Variants in MIA3 observed in about 807,000 individuals in gnomAD.
MIA3 encodes transport and Golgi organization protein 1 homolog.
MIA3 carries 90 observed loss-of-function variants against 192.4 expected under a neutral mutation model. The ratio of observed to expected loss-of-function variants is 0.47; its 90% confidence interval spans 0.39 to 0.56. MIA3 has a LOEUF of 0.56. Among genes scored for constraint, MIA3 ranks in the 20% least tolerant of loss-of-function variants. The pLI, the probability that MIA3 is intolerant of heterozygous loss-of-function variation, is 0.00. For missense variants in MIA3, 2,123 were observed against 2,269.4 expected (o/e 0.94, Z 1.31); for synonymous variants, 740 against 792.8 (o/e 0.93, Z 1.12).
intron 2 of MIA3, among the ~76,000 whole-genome samples, chr1:222,623,053 C>A (rs998954884): frequency 6.6e-6 from 1 of 152,198 alleles, no homozygotes; most frequent in Non-Finnish European, 1.5e-5. Context: ...TGGAAAGGCT[C>A]ATGCCTTATC....
At chr1:222,655,870 C>T (rs1364377477) in intron 18 of MIA3, among the ~76,000 whole-genome samples, 8 of 151,740 alleles carry the variant, frequency 5.3e-5, no homozygotes, top group African/African-American at 7.3e-5. Context: ...TTGTACTCTA[C>T]TGTCCACCCC....
intron 2 of MIA3, among the ~76,000 whole-genome samples, chr1:222,623,047 A>G (rs1467644556): frequency 6.6e-6 from 1 of 152,184 alleles, no homozygotes; most frequent in East Asian, 1.9e-4. Context: ...CTTTAATGGA[A>G]AGGCTCATGC....
Position 222,626,424 on chromosome 1 carries a change from G to A in MIA3, c.355-1151G>A, listed in dbSNP as rs1481415585. Among the ~76,000 whole-genome samples, 5 of 152,228 alleles carry A rather than the reference G, an allele frequency of 3.3e-5. No individual in the cohort carries two copies. In the South Asian group the frequency reaches 1.0e-3, roughly 31 times the overall value. On this transcript the variant is annotated intron_variant, in intron 3 of 27. Coordinates refer to ENST00000344922, the MANE Select transcript of MIA3 (RefSeq NM_198551.4). ...AAAAAATTGGCTCAGAAGTGTGCAT[G>A]ATGGAAAGAGGGAAGTCATTCATCT...
rs1571865581 is a variant in MIA3, at chr1:222,628,425, A to G, written c.1205A>G (p.Asp402Gly). 1.9e-6 allele frequency: 3 copies of G among 1,613,874 alleles called. No individual in the cohort carries two copies. The highest frequency in any genetic ancestry group is 1.3e-5 in the African/African-American group (1 of 75,008). ...TGGEETRDTM[D>G]LESSSSEEEK... ...GGTGAAGAAACAAGAGATACGATGGATTTAGAGAGCTCTAGTTCAGAGGAA... is the reference window on the plus strand; with the variant it reads ...GGTGAAGAAACAAGAGATACGATGGGTTTAGAGAGCTCTAGTTCAGAGGAA... The change falls in exon 4 of 28, where the codon GAT becomes GGT. Residue 402 changes from aspartate to glycine, a missense_variant. By Grantham distance (94) the Asp-to-Gly change is moderately conservative (BLOSUM62 -1). Transcript: ENST00000344922.
rs937014729 is a variant in MIA3 at position 222,618,591 on chromosome 1, A to AC, written c.133+355dup. ...TAGTGGCTCACAGCGTCCCCTTCCC[A>AC]CCCCCCCAATCCGCCTGGGCTCGGA... On this transcript the variant is annotated intron_variant, in intron 1 of 27. Transcript: ENST00000344922. 6.3e-5 allele frequency among the ~76,000 whole-genome samples: 9 copies of AC among 143,374 alleles called. 1 individual carries two copies. The East Asian group carries it at 6.8e-4, about 11-fold the overall frequency. 94.1% of individuals were successfully genotyped at this position (143,374 alleles called of 152,430 possible). A position where few individuals can be genotyped will look rare whatever the true frequency, so the allele number is the denominator to read the frequency against.
At chr1:222,664,958 G>A (rs1307601612) in intron 27 of MIA3, 8 of 460,346 alleles carry the variant, frequency 1.7e-5, no homozygotes, top group East Asian at 1.3e-4. Context: ...TTCATTAGAC[G>A]AGGCTGAGGC....
At chr1:222,630,934 G>A (rs187065827) in intron 4 of MIA3, among the ~76,000 whole-genome samples, 1 of 152,110 alleles carries the variant, frequency 6.6e-6, no homozygotes, top group Admixed American at 6.5e-5. Flanking sequence ...GGATGCCTTC[G>A]AATGCAGTGC....
At chr1:222,632,047 TCCATGGGATGC>T in intron 4 of MIA3, 107 bp from the exon 5 acceptor site, 2 of 768,974 alleles carry the variant, frequency 2.6e-6, no homozygotes, top group South Asian at 4.2e-5. Flanking sequence ...CCAGTTGTGC[TCCATGGGATGC>T]CCATGCATGG....
At chr1:222,653,428 T>C (rs1288880006) in intron 15 of MIA3, 89 bp downstream of exon 15, 3 of 797,384 alleles carry the variant, frequency 3.8e-6, no homozygotes, top group Non-Finnish European at 6.3e-6. Context: ...GCATTTCCTC[T>C]TAAGCTTTCG....
At chr1:222,665,214 AAAAAAAAG>A in intron 27 of MIA3, 87 bp from the exon 28 acceptor site, 1 of 909,562 alleles carries the variant, frequency 1.1e-6, no homozygotes, top group South Asian at 1.8e-5. Flanking sequence ...AAAAAAAAAA[AAAAAAAAG>A]GATGACAGAC....
At position 222,665,369 on chromosome 1, in the gene MIA3, G is replaced by A. The variant is rs1481963517; in HGVS notation, c.5474G>A (p.Arg1825Lys). The A allele has an allele frequency of 1.2e-6, 2 of 1,614,032 alleles. No homozygotes were observed. The highest frequency in any genetic ancestry group is 1.7e-6 in the Non-Finnish European group (2 of 1,179,976). The part of the protein sequence containing the change: ...REFAPGVPPG[R>K]RDLPLHPRGF... ...TTTGCACCAGGCGTTCCACCAGGAAGACGGGACCTGCCTCTCCACCCTCGG... is the reference window on the plus strand; with the variant it reads ...TTTGCACCAGGCGTTCCACCAGGAAAACGGGACCTGCCTCTCCACCCTCGG... Residue 1825 changes from arginine (R) to lysine (K), a missense_variant, in exon 28 of 28, where the codon AGA becomes AAA. By Grantham distance (26) the Arg-to-Lys change is conservative. Coordinates refer to ENST00000344922, the MANE Select transcript of MIA3 (RefSeq NM_198551.4).
chr1:222,634,697 A>G (rs941918393), intron 6 of MIA3, among the ~76,000 whole-genome samples: 9 of 152,216 alleles, frequency 5.9e-5, no homozygotes, highest in Non-Finnish European at 1.2e-4. Context: ...CCTTAGGGCT[A>G]CAGAGAAAGT....
At chr1:222,656,739 C>G (rs887362288) in intron 18 of MIA3, among the ~76,000 whole-genome samples, 2 of 152,174 alleles carry the variant, frequency 1.3e-5, no homozygotes, top group Admixed American at 1.3e-4. Flanking sequence ...ACCCCTACCC[C>G]TCGCCCAATG....
At chr1:222,618,599 A>G (rs556353912) in intron 1 of MIA3, among the ~76,000 whole-genome samples, 1 of 144,570 alleles carries the variant, frequency 6.9e-6, no homozygotes, top group South Asian at 2.5e-4. Context: ...CCACCCCCCC[A>G]ATCCGCCTGG....
chr1:222,622,019 A>AAGAT (rs1661893104), intron 2 of MIA3, among the ~76,000 whole-genome samples: 1 of 152,024 alleles, frequency 6.6e-6, no homozygotes, highest in South Asian at 2.1e-4. Flanking sequence ...TGTGTTAGCT[A>AAGAT]GGTCTCGATC....
intron 18 of MIA3, among the ~76,000 whole-genome samples, chr1:222,655,960 TC>T (rs199813750): frequency 0.039 from 4,379 of 113,654 alleles, 1,830 homozygotes; most frequent in Middle Eastern, 0.092. Flanking sequence ...AGACTTTCTT[TC>T]CCTTTTTTTT....
intron 2 of MIA3, among the ~76,000 whole-genome samples, chr1:222,622,099 C>G (rs1041664718): frequency 6.6e-6 from 1 of 152,132 alleles, no homozygotes; most frequent in East Asian, 1.9e-4. Flanking sequence ...CCACCGCAAC[C>G]AGCCTCTTGT....
At position 222,665,713 on chromosome 1, in the gene MIA3, A is replaced by G. The variant is rs771420565; in HGVS notation, c.*94A>G. On this transcript the variant is annotated 3_prime_UTR_variant, in exon 28 of 28. Coordinates refer to ENST00000344922, the MANE Select transcript of MIA3 (RefSeq NM_198551.4). ...CATTGGCTTCAAAATCCAAAAGTTTATTTTAAAAGGTTTGTTGTTAGAACT... is the reference window on the plus strand; with the variant it reads ...CATTGGCTTCAAAATCCAAAAGTTTGTTTTAAAAGGTTTGTTGTTAGAACT... 8.9e-7 allele frequency: 1 copy of G among 1,123,516 alleles called. No individual in the cohort carries two copies. Among genetic ancestry groups the G allele is most frequent in the Non-Finnish European group, 1.2e-6 (1 of 824,658 alleles). 69.6% of individuals were successfully genotyped at this position (1,123,516 alleles called of 1,614,324 possible).
At chr1:222,633,374 G>A (rs892973685) in intron 6 of MIA3, 125 bp downstream of exon 6, 15 of 818,228 alleles carry the variant, frequency 1.8e-5, no homozygotes, top group Admixed American at 3.0e-5. Context: ...TTTGAAGAGA[G>A]ACCCTGAAAT....
Sources: gnomAD v4.1 joint callset for allele counts (sites outside exome capture counted in the v4.1 genomes callset) on GRCh38, gnomAD v4.1.1 for gene constraint, MANE v1.5 for transcripts, NCBI Gene and HGNC (gene_info 2026-07-23, HGNC 2026-07-21) for gene names.